RGL1: variants seen among roughly 807,000 people sequenced by gnomAD.
RGL1 encodes ral guanine nucleotide dissociation stimulator like 1.
A neutral mutation model predicts 95.2 loss-of-function variants in RGL1; 24 were observed. The observed-to-expected ratio is 0.25, with a 90% CI of 0.18 to 0.35. The LOEUF is 0.35. RGL1 is among the 10% of genes least tolerant of loss of function. The pLI is 1.00. For synonymous variants in RGL1, 329 were observed against 344.9 expected (o/e 0.95, Z 0.51); for missense variants, 715 against 936.3 (o/e 0.76, Z 3.08).
At chr1:183,923,832 A>G (rs1669455504) in intron 17 of RGL1, among the ~76,000 whole-genome samples, 1 of 152,200 alleles carries the variant, frequency 6.6e-6, no homozygotes, top group Admixed American at 6.5e-5. Context: ...CACAGAATGT[A>G]CAGGAGTCAC....
chr1:183,847,502 A>G lies in RGL1; in HGVS notation c.139-64A>G, dbSNP rs948446907. On this transcript the variant is annotated intron_variant, in intron 2 of 17. Transcript: ENST00000360851. ...ACAGGCTATGGCCTTCAACTATTTC[A>G]ATGCTTCCAATTTTACTTTAGGGAG... 5.2e-6 allele frequency: 7 copies of G among 1,350,604 alleles called. No individual in the cohort carries two copies. The African/African-American group carries it at 1.0e-4, about 20-fold the overall frequency. The allele number at this position is 1,350,604 out of a possible 1,614,324, so 83.7% of individuals were successfully genotyped here.
At chr1:183,736,335 C>A (rs1455508043) in intron 1 of RGL1, among the ~76,000 whole-genome samples, 1 of 152,160 alleles carries the variant, frequency 6.6e-6, no homozygotes, top group Non-Finnish European at 1.5e-5. Context: ...GAGGTGAATG[C>A]TTTACTTTTG....
At chr1:183,904,452 G>A (rs1047574315) in intron 12 of RGL1, among the ~76,000 whole-genome samples, 13 of 151,970 alleles carry the variant, frequency 8.6e-5, no homozygotes, top group African/African-American at 2.4e-4. Flanking sequence ...TAAGAAATAT[G>A]AATAGAAATT....
intron 2 of RGL1, among the ~76,000 whole-genome samples, chr1:183,830,389 C>T (rs972429465): frequency 6.6e-6 from 1 of 152,170 alleles, no homozygotes; most frequent in African/African-American, 2.4e-5. Flanking sequence ...GTATTGGAAG[C>T]TGCTTGGTAG....
rs1651663797 is a variant in RGL1, at chr1:183,661,953, C to A, written c.-33+25452C>A. 3.3e-5 allele frequency among the ~76,000 whole-genome samples: 5 copies of A among 150,160 alleles called. No homozygotes were observed. In the South Asian group the frequency reaches 1.1e-3, roughly 32 times the overall value. Reference sequence around the variant, plus strand: ...TCCAGCATATAAACAGAACCAAAGACAAAAACCACATGATTATCTCAATAG... The same window carrying A: ...TCCAGCATATAAACAGAACCAAAGAAAAAAACCACATGATTATCTCAATAG... On this transcript the variant is annotated intron_variant, in intron 1 of 18. Transcript: ENST00000304685.
chr1:183,783,958 G>A (rs1419237185), intron 2 of RGL1, among the ~76,000 whole-genome samples: 5 of 152,202 alleles, frequency 3.3e-5, no homozygotes, highest in Non-Finnish European at 1.5e-5. Flanking sequence ...AGCATACAAT[G>A]ATGAGATTAT....
intron 5 of RGL1, among the ~76,000 whole-genome samples, chr1:183,881,921 T>C (rs1255818190): frequency 4.6e-5 from 7 of 152,186 alleles, no homozygotes; most frequent in Non-Finnish European, 1.0e-4. Flanking sequence ...GGAAACGCTG[T>C]GTTGGAGCCC....
At chr1:183,816,188 T>C (rs186154170) in intron 2 of RGL1, among the ~76,000 whole-genome samples, 4 of 152,332 alleles carry the variant, frequency 2.6e-5, no homozygotes, top group Admixed American at 2.0e-4. Context: ...TAAAGTAATT[T>C]GTTGGTATTA....
intron 2 of RGL1, among the ~76,000 whole-genome samples, chr1:183,829,580 A>G (rs114578264): frequency 0.018 from 2,720 of 152,030 alleles, 67 homozygotes; most frequent in African/African-American, 0.055. Context: ...ATTCATCATG[A>G]TATACTCATA....
intron 2 of RGL1, among the ~76,000 whole-genome samples, chr1:183,790,646 A>G (rs1287106909): frequency 1.3e-5 from 2 of 152,218 alleles, no homozygotes; most frequent in Non-Finnish European, 2.9e-5. Context: ...ACAGAAGGGC[A>G]TTCTAACAAG....
At chr1:183,846,393 G>C (rs749130637) in intron 2 of RGL1, among the ~76,000 whole-genome samples, 1 of 152,070 alleles carries the variant, frequency 6.6e-6, no homozygotes, top group Non-Finnish European at 1.5e-5. Context: ...GGGCCTGTCG[G>C]GGGTGGGGTG....
chr1:183,850,353 AACG>A lies in RGL1; in HGVS notation c.347+2582_347+2584del, dbSNP rs142819280. Among the ~76,000 whole-genome samples the A allele has an allele frequency of 4.7e-3, 723 of 152,340 alleles. 6 individuals carry two copies. Among genetic ancestry groups the A allele is most frequent in the African/African-American group, 0.016 (674 of 41,578 alleles). On this transcript the variant is annotated intron_variant, in intron 3 of 17. Coordinates refer to ENST00000360851, the MANE Select transcript of RGL1 (RefSeq NM_001297671.3). ...AAAGTTATTTATTAAAATTTTTTAT[AACG>A]ACATTAACATTTTTTGTGTAGTCAT...
At chr1:183,732,416 A>C (rs182241224) in intron 1 of RGL1, among the ~76,000 whole-genome samples, 1 of 152,328 alleles carries the variant, frequency 6.6e-6, no homozygotes, top group Non-Finnish European at 1.5e-5. Context: ...CATGGATTTC[A>C]TATGGACTCT....
chr1:183,826,329 A>G (rs1349061249), intron 2 of RGL1, among the ~76,000 whole-genome samples: 4 of 152,194 alleles, frequency 2.6e-5, no homozygotes, highest in Non-Finnish European at 4.4e-5. Flanking sequence ...GCAACTCCCT[A>G]TCCTCCATTT....
At chr1:183,907,317 T>C (rs1668393829) in intron 14 of RGL1, among the ~76,000 whole-genome samples, 1 of 152,232 alleles carries the variant, frequency 6.6e-6, no homozygotes, top group Admixed American at 6.5e-5. Context: ...CTCTCCTGCC[T>C]GAATCACTCC....
At chr1:183,921,482 A>G (rs1051017815) in intron 16 of RGL1, among the ~76,000 whole-genome samples, 1 of 152,136 alleles carries the variant, frequency 6.6e-6, no homozygotes, top group East Asian at 1.9e-4. Context: ...CTCCACTGGT[A>G]TGTAATCTTT....
intron 15 of RGL1, among the ~76,000 whole-genome samples, chr1:183,913,182 CTTTTTTTTTTTTTTTTTTT>C (rs537751695): frequency 1.5e-5 from 1 of 68,246 alleles, no homozygotes; most frequent in Non-Finnish European, 2.6e-5. Context: ...GACCAGTCTT[CTTTTTTTTTTTTTTTTTTT>C]TTTTTTTTTG....
intron 2 of RGL1, among the ~76,000 whole-genome samples, chr1:183,820,049 A>G (rs146788888): frequency 1.3e-5 from 2 of 152,026 alleles, no homozygotes; most frequent in East Asian, 1.9e-4. Context: ...GGGCCCCTAA[A>G]GTGCTGGGAT....
chr1:183,729,251 G>C (rs1270259398), intron 1 of RGL1, among the ~76,000 whole-genome samples: 1 of 151,736 alleles, frequency 6.6e-6, no homozygotes, highest in Non-Finnish European at 1.5e-5. Flanking sequence ...AATATATAAA[G>C]AAGTCTTTCA....
Sources: gnomAD v4.1 joint callset for allele counts (sites outside exome capture counted in the v4.1 genomes callset) on GRCh38, gnomAD v4.1.1 for gene constraint, MANE v1.5 for transcripts, NCBI Gene and HGNC (gene_info 2026-07-23, HGNC 2026-07-21) for gene names.